The following UNC5D variants were observed in gnomAD, a reference collection of about 807,000 sequenced individuals.
UNC5D encodes the protein unc-5 netrin receptor D.
A neutral mutation model predicts 105.4 loss-of-function variants in UNC5D; 39 were observed. The observed-to-expected ratio is 0.37, with a 90% CI of 0.29 to 0.48. The LOEUF (loss-of-function observed/expected upper bound fraction) is 0.48. Ranked by LOEUF, UNC5D falls within the 20% of genes least tolerant of loss-of-function variation. The pLI is 0.98. For missense variants in UNC5D, 991 were observed against 1,202.4 expected (o/e 0.82, Z 2.60); for synonymous variants, 452 against 450.4 (o/e 1.00, Z -0.04).
intron 1 of UNC5D, among the ~76,000 whole-genome samples, chr8:35,428,719 C>G (rs1211593549): frequency 6.6e-6 from 1 of 151,954 alleles, no homozygotes; most frequent in Non-Finnish European, 1.5e-5. Flanking sequence ...AAGGACTTAT[C>G]CAACAGGGTT....
chr8:35,542,010 G>A (rs1235096771), intron 1 of UNC5D, among the ~76,000 whole-genome samples: 1 of 152,106 alleles, frequency 6.6e-6, no homozygotes, highest in African/African-American at 2.4e-5. Flanking sequence ...TCATTCTGCA[G>A]GATTTAAGAT....
chr8:35,378,030 G>T (rs1367697152), intron 1 of UNC5D, among the ~76,000 whole-genome samples: 1 of 151,924 alleles, frequency 6.6e-6, no homozygotes, highest in Non-Finnish European at 1.5e-5. Context: ...CAGTGATTAG[G>T]TGATTACAAA....
At chr8:35,470,269 CCT>C (rs1809607549) in intron 1 of UNC5D, among the ~76,000 whole-genome samples, 1 of 152,052 alleles carries the variant, frequency 6.6e-6, no homozygotes, top group South Asian at 2.1e-4. Context: ...GAGAAAGACT[CCT>C]CTTTTAAATA....
At chr8:35,525,166 G>A in intron 1 of UNC5D, 7 of 1,609,248 alleles carry the variant, frequency 4.3e-6, no homozygotes, top group East Asian at 2.2e-5. Flanking sequence ...AGTCCTCCAT[G>A]TGTACGGACT....
intron 1 of UNC5D, among the ~76,000 whole-genome samples, chr8:35,487,778 G>A (rs1810930025): frequency 6.6e-6 from 1 of 152,202 alleles, no homozygotes; most frequent in South Asian, 2.1e-4. Flanking sequence ...TGAAGAGACT[G>A]TTGCTAGAAA....
chr8:35,635,875 T>C (rs13266983), intron 4 of UNC5D, among the ~76,000 whole-genome samples: 137,970 of 152,222 alleles, frequency 0.91, 62,550 homozygotes, highest in East Asian at 0.96. Flanking sequence ...TTTCAGCCTT[T>C]CCTCTCTCAG....
intron 1 of UNC5D, among the ~76,000 whole-genome samples, chr8:35,436,750 C>A (rs1330681228): frequency 6.6e-6 from 1 of 151,908 alleles, no homozygotes; most frequent in Non-Finnish European, 1.5e-5. Flanking sequence ...GGACTATATA[C>A]CCTAAAATGA....
intron 1 of UNC5D, among the ~76,000 whole-genome samples, chr8:35,355,753 A>G (rs953647929): frequency 6.6e-6 from 1 of 152,166 alleles, no homozygotes; most frequent in Non-Finnish European, 1.5e-5. Flanking sequence ...ACCCTCATGA[A>G]TGAGATTATA....
At chr8:35,652,132 T>C (rs1823449985) in intron 4 of UNC5D, among the ~76,000 whole-genome samples, 1 of 152,194 alleles carries the variant, frequency 6.6e-6, no homozygotes, top group African/African-American at 2.4e-5. Flanking sequence ...CTGATCCTTA[T>C]AGCCTTGCAT....
At chr8:35,441,757 G>C (rs974420877) in intron 1 of UNC5D, among the ~76,000 whole-genome samples, 1 of 151,346 alleles carries the variant, frequency 6.6e-6, no homozygotes, top group Non-Finnish European at 1.5e-5. Context: ...AGAATATGCT[G>C]GCTGAAGAGT....
At chr8:35,520,026 T>C (rs1013119135) in intron 1 of UNC5D, among the ~76,000 whole-genome samples, 11 of 151,998 alleles carry the variant, frequency 7.2e-5, no homozygotes, top group African/African-American at 2.2e-4. Context: ...AAGTTAACCA[T>C]AGAGCTGCCA....
At chr8:35,549,736 T>C (rs538231860) in intron 2 of UNC5D, among the ~76,000 whole-genome samples, 8 of 152,316 alleles carry the variant, frequency 5.3e-5, no homozygotes, top group African/African-American at 1.9e-4. Context: ...TTGCTGTAGA[T>C]AACTTTAAAC....
intron 1 of UNC5D, among the ~76,000 whole-genome samples, chr8:35,251,817 T>A (rs773509345): frequency 1.3e-5 from 2 of 152,116 alleles, no homozygotes; most frequent in Non-Finnish European, 2.9e-5. Flanking sequence ...TTTGTACTTA[T>A]CTTAGTGTCT....
intron 1 of UNC5D, among the ~76,000 whole-genome samples, chr8:35,315,152 A>C (rs1195676433): frequency 2.6e-5 from 4 of 152,180 alleles, no homozygotes; most frequent in African/African-American, 9.7e-5. Flanking sequence ...TATATGCCTC[A>C]TACTTTTAAA....
At chr8:35,597,554 G>A (rs548741000) in intron 4 of UNC5D, among the ~76,000 whole-genome samples, 1 of 152,290 alleles carries the variant, frequency 6.6e-6, no homozygotes, top group East Asian at 1.9e-4. Context: ...AGTGCCAGCT[G>A]TGTGAGTGTC....
At chr8:35,771,986 A>G (rs1052036368) in intron 15 of UNC5D, among the ~76,000 whole-genome samples, 1 of 152,168 alleles carries the variant, frequency 6.6e-6, no homozygotes, top group Non-Finnish European at 1.5e-5. Context: ...TCACTGAACT[A>G]GAAAGTGTTG....
At chr8:35,293,993 A>G (rs534846745) in intron 1 of UNC5D, among the ~76,000 whole-genome samples, 1 of 152,284 alleles carries the variant, frequency 6.6e-6, no homozygotes, top group South Asian at 2.1e-4. Context: ...TATTAAAAGA[A>G]CTTTAAAAGA....
intron 4 of UNC5D, among the ~76,000 whole-genome samples, chr8:35,649,147 G>A (rs945024804): frequency 9.9e-5 from 15 of 152,148 alleles, no homozygotes; most frequent in Admixed American, 5.2e-4. Flanking sequence ...TTCTAGAATC[G>A]TTGAAGGAGA....
intron 1 of UNC5D, among the ~76,000 whole-genome samples, chr8:35,313,657 G>A (rs964875970): frequency 2.6e-5 from 4 of 152,128 alleles, no homozygotes; most frequent in Non-Finnish European, 1.5e-5. Context: ...GTAGTTAAAA[G>A]GATGGATCCA....
Sources: gnomAD v4.1 joint callset for allele counts (sites outside exome capture counted in the v4.1 genomes callset) on GRCh38, gnomAD v4.1.1 for gene constraint, MANE v1.5 for transcripts, NCBI Gene and HGNC (gene_info 2026-07-23, HGNC 2026-07-21) for gene names.